LARP1B: variants seen among roughly 807,000 people sequenced by gnomAD.
LARP1B encodes la-related protein 1B.
In LARP1B, 76 loss-of-function variants were observed where a neutral mutation model predicts 114.2. The ratio of observed to expected loss-of-function variants is 0.67; its 90% CI spans 0.55 to 0.81. The LOEUF is 0.81. Ranked by LOEUF, LARP1B falls within the 30% of genes least tolerant of loss-of-function variation. The probability of loss-of-function intolerance (pLI) is 0.00; values close to 1 mark genes in which losing one functional copy is unlikely to be tolerated. For synonymous variants in LARP1B, 345 were observed against 348.0 expected (o/e 0.99, Z 0.10); for missense variants, 1,014 against 1,075.8 (o/e 0.94, Z 0.80).
chr4:128,182,216 T>G lies in LARP1B; in HGVS notation c.2003+2704T>G, dbSNP rs1039137867. Among the ~76,000 whole-genome samples, 4 of 148,412 alleles carry G rather than the reference T, an allele frequency of 2.7e-5. 1 individual carries two copies. The South Asian group carries it at 8.7e-4, about 32-fold the overall frequency. ...GCAACCGTAACCTCCCAGACTCAAG[T>G]GATCCTCCCACTTCAGCCTCCTGAG... is the stretch of plus-strand genomic sequence containing the variant. On this transcript the variant is annotated intron_variant, in intron 15 of 19. Transcript: ENST00000326639.
chr4:128,200,855 C>T (rs1383006457), intron 17 of LARP1B, among the ~76,000 whole-genome samples, 190 bp downstream of exon 17: 1 of 152,176 alleles, frequency 6.6e-6, no homozygotes, highest in Admixed American at 6.5e-5. Flanking sequence ...TTTTCTATTT[C>T]TGCATTGCAA....
At chr4:128,154,644 AT>A (rs1734552864) in intron 11 of LARP1B, among the ~76,000 whole-genome samples, 1 of 152,202 alleles carries the variant, frequency 6.6e-6, no homozygotes, top group African/African-American at 2.4e-5. Context: ...CAGTTCAGAT[AT>A]TACTCTTCCA....
intron 8 of LARP1B, among the ~76,000 whole-genome samples, chr4:128,106,683 A>G (rs1782211150): frequency 6.6e-6 from 1 of 151,698 alleles, no homozygotes; most frequent in African/African-American, 2.4e-5. Flanking sequence ...CAGTTTCCTC[A>G]TCTATATGTA....
chr4:128,084,123 G>A (rs1050006469), intron 5 of LARP1B, among the ~76,000 whole-genome samples: 2 of 151,312 alleles, frequency 1.3e-5, no homozygotes, highest in African/African-American at 4.9e-5. Context: ...CGGCAGAGAC[G>A]CTTCTCACTT....
intron 17 of LARP1B, among the ~76,000 whole-genome samples, chr4:128,202,578 AT>A (rs1756318889): frequency 6.6e-6 from 1 of 152,142 alleles, no homozygotes; most frequent in Non-Finnish European, 1.5e-5. Flanking sequence ...ATCTCAGACT[AT>A]TTTGCTATTT....
At chr4:128,099,575 T>C (rs1250581108) in intron 8 of LARP1B, among the ~76,000 whole-genome samples, 1 of 152,194 alleles carries the variant, frequency 6.6e-6, no homozygotes, top group Non-Finnish European at 1.5e-5. Flanking sequence ...AGCAGTAGTT[T>C]GTTCTTTCAT....
chr4:128,193,986 C>A (rs968032965), intron 15 of LARP1B, among the ~76,000 whole-genome samples: 2 of 152,218 alleles, frequency 1.3e-5, no homozygotes, highest in African/African-American at 4.8e-5. Flanking sequence ...TTTCCTGATT[C>A]TTTCCTTAGC....
At chr4:128,096,847 G>A (rs1035996592) in intron 7 of LARP1B, among the ~76,000 whole-genome samples, 2 of 151,920 alleles carry the variant, frequency 1.3e-5, no homozygotes, top group Non-Finnish European at 2.9e-5. Flanking sequence ...TGATCTGCCC[G>A]CCTCAGCCTC....
At chr4:128,166,330 C>T (rs1191003774) in intron 12 of LARP1B, among the ~76,000 whole-genome samples, 4 of 151,916 alleles carry the variant, frequency 2.6e-5, no homozygotes, top group Non-Finnish European at 5.9e-5. Flanking sequence ...AACCACTTCT[C>T]ACTTTCTCCA....
chr4:128,104,417 A>G (rs1580428879), intron 8 of LARP1B, among the ~76,000 whole-genome samples: 1 of 152,122 alleles, frequency 6.6e-6, no homozygotes, highest in African/African-American at 2.4e-5. Context: ...TTGTATGAAT[A>G]TAACAGTTAA....
chr4:128,130,461 A>AG (rs1791206847), intron 11 of LARP1B, among the ~76,000 whole-genome samples: 2 of 152,242 alleles, frequency 1.3e-5, no homozygotes, highest in Non-Finnish European at 2.9e-5. Context: ...AAATATCATT[A>AG]GGGAGCTGCA....
chr4:128,122,932 T>TA (rs1049465085), intron 11 of LARP1B: 8 of 984,570 alleles, frequency 8.1e-6, no homozygotes, highest in Admixed American at 6.1e-5. Context: ...TTTCTGCTAT[T>TA]AAGTTTATCA....
intron 15 of LARP1B, among the ~76,000 whole-genome samples, chr4:128,189,793 G>A (rs1751631130): frequency 6.6e-6 from 1 of 152,022 alleles, no homozygotes; most frequent in African/African-American, 2.4e-5. Flanking sequence ...GAAAAGGAAA[G>A]AATCAAGGGA....
At chr4:128,167,045 TACAC>T (rs546984242) in intron 12 of LARP1B, among the ~76,000 whole-genome samples, 2 of 148,322 alleles carry the variant, frequency 1.3e-5, no homozygotes, top group South Asian at 2.1e-4. Context: ...TACGTATATA[TACAC>T]ACACACACAC....
intron 4 of LARP1B, among the ~76,000 whole-genome samples, chr4:128,078,787 G>A (rs1046361720): frequency 1.2e-4 from 18 of 152,130 alleles, no homozygotes; most frequent in Admixed American, 6.6e-4. Flanking sequence ...CGGAGTCTTC[G>A]TAAAAGTGTC....
intron 10 of LARP1B, among the ~76,000 whole-genome samples, chr4:128,116,362 A>G (rs1785829404): frequency 6.6e-6 from 1 of 152,220 alleles, no homozygotes; most frequent in Admixed American, 6.5e-5. Flanking sequence ...ACCAGGATAT[A>G]TGAGATCTCT....
At chr4:128,085,999 T>A (rs1415458451) in intron 5 of LARP1B, among the ~76,000 whole-genome samples, 2 of 150,080 alleles carry the variant, frequency 1.3e-5, no homozygotes, top group African/African-American at 4.9e-5. Flanking sequence ...GATTGCTTTG[T>A]CATGGTATTC....
intron 17 of LARP1B, among the ~76,000 whole-genome samples, chr4:128,202,634 G>C (rs1353237772): frequency 6.6e-6 from 1 of 152,146 alleles, no homozygotes; most frequent in Non-Finnish European, 1.5e-5. Context: ...TAACTTCTCT[G>C]ATTCCATTTC....
intron 11 of LARP1B, among the ~76,000 whole-genome samples, chr4:128,138,384 AAGTC>A (rs1726386839): frequency 6.6e-6 from 1 of 152,252 alleles, no homozygotes; most frequent in African/African-American, 2.4e-5. Context: ...GTGGAAAAGA[AAGTC>A]TAGATAGTGC....
Sources: allele counts gnomAD v4.1 joint callset (sites outside exome capture counted in the v4.1 genomes callset), GRCh38; gene constraint gnomAD v4.1.1; transcripts MANE v1.5; gene names NCBI Gene and HGNC (gene_info 2026-07-23, HGNC 2026-07-21).